PHC1: variants seen among roughly 807,000 people sequenced by gnomAD.
The protein encoded by PHC1 is polyhomeotic-like protein 1.
A neutral mutation model predicts 104.3 loss-of-function variants in PHC1; 12 were observed. The observed-to-expected ratio is 0.12, with a 90% CI of 0.07 to 0.19. The LOEUF is 0.19. Ranked by LOEUF, PHC1 falls within the 10% of genes least tolerant of loss-of-function variation. PHC1 has a pLI of 1.00. For synonymous variants in PHC1, 302 were observed against 455.8 expected (o/e 0.66, Z 4.30); for missense variants, 671 against 1,200.0 (o/e 0.56, Z 6.51).
intron 1 of PHC1, among the ~76,000 whole-genome samples, chr12:8,916,538 T>C (rs1945206155): frequency 1.3e-5 from 2 of 152,142 alleles, no homozygotes; most frequent in African/African-American, 4.8e-5. Flanking sequence ...AAAACCTTAT[T>C]GTCATTTAGT....
intron 8 of PHC1, 73 bp from the exon 9 acceptor site, chr12:8,933,792 A>G: frequency 7.7e-7 from 1 of 1,293,710 alleles, no homozygotes; most frequent in South Asian, 1.3e-5. Context: ...CTTTGAACAT[A>G]TGGTAATAAT....
chr12:8,931,219 A>G (rs1413750447), intron 7 of PHC1, among the ~76,000 whole-genome samples: 1 of 152,178 alleles, frequency 6.6e-6, no homozygotes, highest in Non-Finnish European at 1.5e-5. Flanking sequence ...CTGTCTATTC[A>G]TTCATCACAT....
At chr12:8,915,505 A>T (rs757180580) in intron 1 of PHC1, among the ~76,000 whole-genome samples, 1 of 152,016 alleles carries the variant, frequency 6.6e-6, no homozygotes, top group African/African-American at 2.4e-5. Context: ...GTCCACCTCA[A>T]TGTCCCATTC....
At chr12:8,935,301 C>T (rs1471851241) in intron 11 of PHC1, 63 bp downstream of exon 11, 8 of 863,724 alleles carry the variant, frequency 9.3e-6, no homozygotes, top group African/African-American at 1.7e-5. Flanking sequence ...TTTGAGGACT[C>T]GGTGTAAAAT....
chr12:8,922,850 A>G (rs1565514403), intron 6 of PHC1, 62 bp downstream of exon 6: 3 of 1,435,074 alleles, frequency 2.1e-6, no homozygotes, highest in Admixed American at 2.1e-5. Context: ...ATGACCACGG[A>G]CCTGGGTCCA....
At chr12:8,916,807 G>T (rs746084304) in intron 1 of PHC1, among the ~76,000 whole-genome samples, 1 of 152,172 alleles carries the variant, frequency 6.6e-6, no homozygotes, top group Admixed American at 6.5e-5. Flanking sequence ...GAGGAAACAG[G>T]TATAAGGAAG....
At chr12:8,937,479 C>G (rs764147778) in intron 13 of PHC1, among the ~76,000 whole-genome samples, 153 bp downstream of exon 13, 44 of 152,238 alleles carry the variant, frequency 2.9e-4, no homozygotes, top group South Asian at 8.3e-4. Context: ...ATCCTGACCC[C>G]CTTTGTCTCC....
intron 6 of PHC1, among the ~76,000 whole-genome samples, chr12:8,929,928 T>C (rs1284907938): frequency 6.6e-6 from 1 of 152,232 alleles, no homozygotes; most frequent in South Asian, 2.1e-4. Flanking sequence ...TCACTTGTTT[T>C]AGGAAGCCCT....
In PHC1 at chr12:8,919,721, G is replaced by C. The variant is rs1440396282; in HGVS notation, c.115-35G>C. ...TTACATAGAATAGGAGCTAGGAGTGGTCCATTCTAAATGTTTTATCCTCTC... is the reference window on the plus strand; with the variant it reads ...TTACATAGAATAGGAGCTAGGAGTGCTCCATTCTAAATGTTTTATCCTCTC... On this transcript the variant is annotated intron_variant, in intron 2 of 14. Coordinates refer to ENST00000544916, the MANE Select transcript of PHC1 (RefSeq NM_004426.3). This position sits in a 1 kb window ranked among gnomAD's most constrained non-coding sequence, Gnocchi z 4.9. 2.5e-6 allele frequency: 4 copies of C among 1,582,532 alleles called. No homozygotes were observed. Among genetic ancestry groups the C allele is most frequent in the Admixed American group, 1.7e-5 (1 of 58,316 alleles).
rs151317875 is a variant in PHC1 at position 8,921,845 on chromosome 12, G to A, written c.456+95G>A. The stretch of plus-strand genomic sequence containing the variant: ...AAGCTTTTTTTTGAGACAGAATCTC[G>A]CTATGTCACCCAGGCTGGAGTGCAG... On this transcript the variant is annotated intron_variant, in intron 5 of 14. Coordinates refer to ENST00000544916, the MANE Select transcript of PHC1 (RefSeq NM_004426.3). 3,524 of 1,220,438 alleles carry A rather than the reference G, an allele frequency of 2.9e-3. 67 individuals carry two copies. The African/African-American group carries it at 0.035, about 12-fold the overall frequency. The allele number at this position is 1,220,438 out of a possible 1,614,324, so 75.6% of individuals were successfully genotyped here.
At chr12:8,924,738 T>C (rs1482414569) in intron 6 of PHC1, among the ~76,000 whole-genome samples, 1 of 152,206 alleles carries the variant, frequency 6.6e-6, no homozygotes, top group Non-Finnish European at 1.5e-5. Context: ...GGCATGATGA[T>C]AGAAGAGGTC....
At chr12:8,920,857 C>A in intron 3 of PHC1, 128 bp from the exon 4 acceptor site, 1 of 632,972 alleles carries the variant, frequency 1.6e-6, no homozygotes, top group Non-Finnish European at 2.7e-6. Flanking sequence ...TTTCTTTACC[C>A]TAAAGTGGAA....
rs143732744 is a variant in PHC1 at position 8,941,430 on chromosome 12, A to AT, written c.*1981dup. The AT allele has an allele frequency of 1.4e-3, 246 of 180,888 alleles. 1 individual carries two copies. Among genetic ancestry groups the AT allele is most frequent in the East Asian group, 4.0e-3 (27 of 6,808 alleles). 11.2% of individuals were successfully genotyped at this position (180,888 alleles called of 1,614,324 possible). The stretch of plus-strand genomic sequence containing the variant: ...CCCTGTATAAATAATGTTTCTTGGC[A>AT]TTTTTTTTTTAATTAAAGAAATCCA... On this transcript the variant is annotated 3_prime_UTR_variant, in exon 15 of 15. Transcript: ENST00000544916.
chr12:8,939,238 C>T lies in PHC1; in HGVS notation c.2861-67C>T, dbSNP rs1408229069. 1.1e-5 allele frequency: 18 copies of T among 1,578,126 alleles called. No homozygotes were observed. In the East Asian group the frequency reaches 3.8e-4, roughly 33 times the overall value. The stretch of plus-strand genomic sequence containing the variant: ...TTTGGAATTAATCATTGCTAGACCT[C>T]AGTTTCATTTAGCTTCCCTTCTCCT... On this transcript the variant is annotated intron_variant, in intron 14 of 14. Coordinates refer to ENST00000544916, the MANE Select transcript of PHC1 (RefSeq NM_004426.3).
rs910126741 is a variant in PHC1 at position 8,930,540 on chromosome 12, C to G, written c.718C>G (p.Leu240Val). 2 of 1,562,372 alleles carry G rather than the reference C, an allele frequency of 1.3e-6. No homozygotes were observed. The highest frequency in any genetic ancestry group is 2.7e-5 in the African/African-American group (2 of 73,254). Residue 240 changes from leucine to valine, a missense_variant, in exon 7 of 15, where the codon CTC (leucine) becomes GTC (valine). Transcript: ENST00000544916. ...IPPGASPVSSLSQASSQALAV... is the reference protein window; with the variant it reads ...IPPGASPVSSVSQASSQALAV... ...TCCAGGAGCCTCCCCTGTCTCTAGCCTCTCCCAGGCCTCTAGCCAGGCCCT... is the reference window on the plus strand; with the variant it reads ...TCCAGGAGCCTCCCCTGTCTCTAGCGTCTCCCAGGCCTCTAGCCAGGCCCT...
intron 6 of PHC1, 51 bp downstream of exon 6, chr12:8,922,839 A>C: frequency 6.5e-7 from 1 of 1,544,224 alleles, no homozygotes; most frequent in East Asian, 2.3e-5. Context: ...GGATGAAGGG[A>C]ATGACCACGG....
At position 8,938,080 on chromosome 12, in the gene PHC1, C is replaced by T. The variant is rs764198463; in HGVS notation, c.2860+20C>T. The T allele has an allele frequency of 1.3e-6, 2 of 1,561,226 alleles. No homozygotes were observed. On this transcript the variant is annotated intron_variant, in intron 14 of 14. Transcript: ENST00000544916. ...TCCAAGGTACTGACCCTCTCTTCAA[C>T]AGAACCCAGGTTGTTTTCCTTAACA...
chr12:8,918,298 A>G (rs1945257963), intron 2 of PHC1, among the ~76,000 whole-genome samples: 2 of 152,248 alleles, frequency 1.3e-5, no homozygotes, highest in South Asian at 2.1e-4. Flanking sequence ...ACTAAAACCA[A>G]ACTACTATTT....
At chr12:8,925,884 T>C (rs1211639527) in intron 6 of PHC1, among the ~76,000 whole-genome samples, 1 of 152,230 alleles carries the variant, frequency 6.6e-6, no homozygotes, top group African/African-American at 2.4e-5. Flanking sequence ...GGTGTGAGTG[T>C]GACTGTAGGG....
Sources: gnomAD v4.1 joint callset for allele counts (sites outside exome capture counted in the v4.1 genomes callset) on GRCh38, gnomAD v4.1.1 for gene constraint, Gnocchi (gnomAD v3.1) non-coding constraint, MANE v1.5 for transcripts, NCBI Gene and HGNC (gene_info 2026-07-23, HGNC 2026-07-21) for gene names.